The following PHF21B variants were observed in gnomAD, a reference collection of about 807,000 sequenced individuals.
PHF21B encodes PHD finger protein 21B.
In PHF21B, 22 loss-of-function variants were observed where a neutral mutation model predicts 62.2. The observed-to-expected ratio is 0.35, with a 90% CI of 0.25 to 0.51. The LOEUF is 0.51. Among genes scored for constraint, PHF21B ranks in the 20% least tolerant of loss-of-function variants. The pLI, the probability that PHF21B is intolerant of heterozygous loss-of-function variation, is 0.97. For synonymous variants in PHF21B, 341 were observed against 314.7 expected, an observed-to-expected ratio of 1.08 and a Z score of -0.88; for missense variants, 701 against 707.9, an observed-to-expected ratio of 0.99 and a Z score of 0.11.
At chr22:44,977,895 T>G (rs773217123) in intron 2 of PHF21B, among the ~76,000 whole-genome samples, 2 of 152,128 alleles carry the variant, frequency 1.3e-5, no homozygotes, top group Non-Finnish European at 2.9e-5. Context: ...CTGCATGTTT[T>G]GAACTTTAAT....
chr22:44,923,798 T>G (rs5765089), intron 2 of PHF21B, among the ~76,000 whole-genome samples: 132,437 of 151,978 alleles, frequency 0.87, 57,824 homozygotes, highest in East Asian at 0.95. Flanking sequence ...TAGGCCAATC[T>G]CTTGAGGCCA....
intron 2 of PHF21B, among the ~76,000 whole-genome samples, chr22:44,946,456 G>A (rs188533929): frequency 2.9e-4 from 44 of 152,212 alleles, no homozygotes; most frequent in Admixed American, 1.6e-3. Flanking sequence ...CAGTGTACAC[G>A]TACTGAGTGG....
chr22:44,995,816 CCCA>C (rs1443588362), intron 2 of PHF21B, among the ~76,000 whole-genome samples: 4 of 150,864 alleles, frequency 2.7e-5, no homozygotes, highest in African/African-American at 7.3e-5. Context: ...CCCCCATCCC[CCCA>C]CGTGATTCGG....
At chr22:44,919,739 T>C (rs983255947) in intron 3 of PHF21B, among the ~76,000 whole-genome samples, 5 of 152,232 alleles carry the variant, frequency 3.3e-5, no homozygotes, top group Non-Finnish European at 7.3e-5. Flanking sequence ...CTACCTGGCG[T>C]TTGCTCTGTA....
Position 44,913,191 on chromosome 22 carries a change from G to A in PHF21B, c.831+631C>T, listed in dbSNP as rs573919599. Among the ~76,000 whole-genome samples the A allele has an allele frequency of 6.2e-4, 95 of 152,300 alleles. 1 individual carries two copies. In the South Asian group the frequency reaches 0.012, roughly 19 times the overall value. The stretch of plus-strand genomic sequence containing the variant: ...AGAGGTGGAGACATAGGCAATTTCT[G>A]GCAAGTTCTCCAGGCACCTTCAGGA... On this transcript the variant is annotated intron_variant, in intron 5 of 12. Transcript: ENST00000313237.
chr22:44,929,292 G>C (rs182333282), intron 2 of PHF21B, among the ~76,000 whole-genome samples: 1 of 152,272 alleles, frequency 6.6e-6, no homozygotes, highest in Non-Finnish European at 1.5e-5. Context: ...CTGGTTCCAC[G>C]GGCCGCTGCT....
At position 45,009,285 on chromosome 22, in the gene PHF21B, C is replaced by T; in HGVS notation, c.54+211G>A. On this transcript the variant is annotated intron_variant, in intron 1 of 12. Coordinates refer to ENST00000313237, the MANE Select transcript of PHF21B (RefSeq NM_138415.5). This position sits in a 1 kb window ranked among gnomAD's most constrained non-coding sequence, Gnocchi z 5.9. ...GCTCGGGTCCCACGCGTCCTCGATC[C>T]CGCAAACTGTGCAGGACAGCGCCAG... 1 of 571,932 alleles carries T rather than the reference C, an allele frequency of 1.7e-6. No homozygotes were observed. The highest frequency in any genetic ancestry group is 2.9e-6 in the Non-Finnish European group (1 of 340,344). The allele number at this position is 571,932 out of a possible 1,614,324, so 35.4% of individuals were successfully genotyped here. A position where few individuals can be genotyped will look rare whatever the true frequency, so the allele number is the denominator to read the frequency against.
At chr22:44,976,814 C>G (rs1335085266) in intron 2 of PHF21B, among the ~76,000 whole-genome samples, 1 of 152,200 alleles carries the variant, frequency 6.6e-6, no homozygotes. Flanking sequence ...AGAATAATAC[C>G]AGAAGCATCC....
intron 5 of PHF21B, among the ~76,000 whole-genome samples, chr22:44,910,163 C>T (rs2071320701): frequency 6.6e-6 from 1 of 152,172 alleles, no homozygotes; most frequent in Admixed American, 6.5e-5. Context: ...TCGTTGGGAG[C>T]TGCAGGGGCC....
At chr22:44,990,130 T>C (rs2073019766) in intron 2 of PHF21B, among the ~76,000 whole-genome samples, 1 of 152,220 alleles carries the variant, frequency 6.6e-6, no homozygotes. Context: ...TCAAATTCCC[T>C]GGCAGGATGT....
intron 9 of PHF21B, among the ~76,000 whole-genome samples, chr22:44,888,356 T>C (rs564367162): frequency 2.6e-5 from 4 of 152,250 alleles, no homozygotes; most frequent in African/African-American, 9.6e-5. Context: ...TACTAGGGGC[T>C]GGGGCACTGA....
intron 2 of PHF21B, among the ~76,000 whole-genome samples, chr22:44,928,550 C>T (rs796265179): frequency 3.9e-5 from 6 of 152,258 alleles, no homozygotes; most frequent in African/African-American, 1.4e-4. Context: ...GCTGGGATTA[C>T]AGGCGCCCAC....
chr22:44,938,897 C>T (rs1002853204), intron 2 of PHF21B, among the ~76,000 whole-genome samples: 5 of 152,218 alleles, frequency 3.3e-5, no homozygotes, highest in Non-Finnish European at 7.3e-5. Context: ...AGGAAGGACT[C>T]GTGTCTCGCT....
chr22:44,933,728 G>GAC (rs982351732), intron 2 of PHF21B, among the ~76,000 whole-genome samples: 24 of 113,094 alleles, frequency 2.1e-4, no homozygotes, highest in Non-Finnish European at 3.9e-4. Context: ...GAGAGAGAGA[G>GAC]AGAGAGAGAC....
chr22:44,972,491 C>T (rs1173648608), intron 2 of PHF21B, among the ~76,000 whole-genome samples: 1 of 152,082 alleles, frequency 6.6e-6, no homozygotes, highest in East Asian at 1.9e-4. Flanking sequence ...CGCGGCTGCT[C>T]AGTGCAATGA....
intron 2 of PHF21B, among the ~76,000 whole-genome samples, chr22:44,961,294 G>A (rs541800133): frequency 5.3e-5 from 8 of 152,006 alleles, no homozygotes; most frequent in Admixed American, 3.9e-4. Context: ...TTAGATTCAG[G>A]GGGTACAGGT....
At chr22:44,983,106 C>T (rs1448545694) in intron 2 of PHF21B, among the ~76,000 whole-genome samples, 2 of 152,002 alleles carry the variant, frequency 1.3e-5, no homozygotes, top group South Asian at 2.1e-4. Flanking sequence ...TGGTGGCAGG[C>T]GCCTGTAATC....
chr22:44,888,755 G>A (rs2070906376), intron 9 of PHF21B, among the ~76,000 whole-genome samples: 1 of 152,254 alleles, frequency 6.6e-6, no homozygotes, highest in African/African-American at 2.4e-5. Flanking sequence ...CACCCTCAGA[G>A]GAGGCCTCAG....
intron 2 of PHF21B, among the ~76,000 whole-genome samples, chr22:44,963,241 A>G (rs902544712): frequency 1.3e-5 from 2 of 152,208 alleles, no homozygotes; most frequent in African/African-American, 4.8e-5. Flanking sequence ...AGCAGCCCCG[A>G]GGGCAAGACA....
Sources: allele counts gnomAD v4.1 joint callset (sites outside exome capture counted in the v4.1 genomes callset), GRCh38; gene constraint gnomAD v4.1.1; non-coding constraint Gnocchi (gnomAD v3.1); transcripts MANE v1.5; gene names NCBI Gene and HGNC (gene_info 2026-07-23, HGNC 2026-07-21).